DLGAP2: variants seen among roughly 807,000 people sequenced by gnomAD.
DLGAP2 encodes the protein disks large-associated protein 2.
Under a neutral mutation model 100.3 loss-of-function variants are expected in DLGAP2, and 26 were observed. That is an observed-to-expected ratio of 0.26 (90% confidence interval 0.19 to 0.36). The LOEUF is 0.36. DLGAP2 is among the 10% of genes least tolerant of loss of function. DLGAP2 has a pLI of 1.00. For synonymous variants in DLGAP2, 886 were observed against 630.1 expected (o/e 1.41, Z -6.08); for missense variants, 1,858 against 1,453.2 (o/e 1.28, Z -4.53).
intron 8 of DLGAP2, among the ~76,000 whole-genome samples, chr8:1,664,719 G>A (rs778259013): frequency 2.6e-5 from 4 of 152,138 alleles, no homozygotes; most frequent in African/African-American, 4.8e-5. Context: ...TGCTGATAAC[G>A]GTGAAAAACA....
chr8:1,520,725 T>G (rs1800566508), intron 4 of DLGAP2, among the ~76,000 whole-genome samples: 2 of 152,216 alleles, frequency 1.3e-5, no homozygotes, highest in Admixed American at 6.5e-5. Context: ...ATTTTAGCAC[T>G]GAATAATATT....
chr8:889,094 A>C (rs1168206362), intron 1 of DLGAP2, among the ~76,000 whole-genome samples: 1 of 152,192 alleles, frequency 6.6e-6, no homozygotes, highest in African/African-American at 2.4e-5. Context: ...GGTGCTCAGT[A>C]GGGGAGCTTT....
intron 4 of DLGAP2, among the ~76,000 whole-genome samples, chr8:1,545,392 G>A (rs1044174254): frequency 9.9e-5 from 15 of 152,110 alleles, no homozygotes; most frequent in Admixed American, 7.2e-4. Context: ...ACAGTAAGAC[G>A]TGCATTTACA....
chr8:1,029,577 G>A (rs1365088737), intron 2 of DLGAP2, among the ~76,000 whole-genome samples: 1 of 131,254 alleles, frequency 7.6e-6, no homozygotes, highest in African/African-American at 3.4e-5. Context: ...TGGATGGGAT[G>A]GCCAAGGGCG....
chr8:768,531 T>G (rs1276558639), intron 1 of DLGAP2, among the ~76,000 whole-genome samples: 1 of 151,250 alleles, frequency 6.6e-6, no homozygotes, highest in Non-Finnish European at 1.5e-5. Flanking sequence ...TTCAAGTGAT[T>G]CTCCTGCCTC....
At chr8:1,066,554 C>G (rs1230412144) in intron 2 of DLGAP2, among the ~76,000 whole-genome samples, 1 of 150,088 alleles carries the variant, frequency 6.7e-6, no homozygotes, top group African/African-American at 2.5e-5. Context: ...AGTTCCCTAC[C>G]ACGGTCAGGT....
intron 3 of DLGAP2, among the ~76,000 whole-genome samples, chr8:1,364,732 C>G (rs1295906754): frequency 6.6e-6 from 1 of 152,232 alleles, no homozygotes; most frequent in East Asian, 1.9e-4. Context: ...GGCCCGAACT[C>G]AGCCAGAGCT....
At chr8:938,412 G>C (rs1309729202) in intron 2 of DLGAP2, among the ~76,000 whole-genome samples, 1 of 152,146 alleles carries the variant, frequency 6.6e-6, no homozygotes. Flanking sequence ...TGCCCATAGA[G>C]AGCTTGAGGT....
intron 6 of DLGAP2, among the ~76,000 whole-genome samples, chr8:1,598,492 C>T (rs190679897): frequency 6.6e-6 from 1 of 152,150 alleles, no homozygotes; most frequent in Admixed American, 6.5e-5. Context: ...TCCATCTGAT[C>T]CTGGGCTTTT....
intron 4 of DLGAP2, among the ~76,000 whole-genome samples, chr8:1,532,616 C>T (rs1352632891): frequency 1.3e-5 from 2 of 152,154 alleles, no homozygotes; most frequent in African/African-American, 4.8e-5. Context: ...TGCTTTACTG[C>T]ATCCTAATCA....
chr8:964,838 G>C (rs1248197571), intron 2 of DLGAP2, among the ~76,000 whole-genome samples: 1 of 152,188 alleles, frequency 6.6e-6, no homozygotes. Flanking sequence ...CTCGGATCCT[G>C]GTGGCCTTGC....
At chr8:760,031 G>C (rs1356636344) in intron 1 of DLGAP2, among the ~76,000 whole-genome samples, 1 of 152,166 alleles carries the variant, frequency 6.6e-6, no homozygotes, top group African/African-American at 2.4e-5. Context: ...GTGCTTTTTT[G>C]TATAAGCCGA....
rs573052114 is a variant in DLGAP2 at position 1,108,611 on chromosome 8, G to C, written c.74-150240G>C. Among the ~76,000 whole-genome samples the C allele has an allele frequency of 2.6e-3, 380 of 147,292 alleles. 3 individuals carry two copies. Among genetic ancestry groups the C allele is most frequent in the African/African-American group, 9.1e-3 (358 of 39,434 alleles). ...CTGTGAGATGTGCATGGGTCTGTGA[G>C]GTGTGCACGTGCCTATGATGTGTGC... On this transcript the variant is annotated intron_variant, in intron 2 of 14. Coordinates refer to ENST00000637795, the MANE Select transcript of DLGAP2 (RefSeq NM_001346810.2).
At chr8:1,302,774 G>T (rs1010821919) in intron 3 of DLGAP2, among the ~76,000 whole-genome samples, 1 of 152,276 alleles carries the variant, frequency 6.6e-6, no homozygotes, top group African/African-American at 2.4e-5. Flanking sequence ...GGGGACCATG[G>T]AGCGACCTTG....
At chr8:1,505,174 T>A (rs1799863670) in intron 4 of DLGAP2, among the ~76,000 whole-genome samples, 1 of 152,230 alleles carries the variant, frequency 6.6e-6, no homozygotes, top group Non-Finnish European at 1.5e-5. Flanking sequence ...TGATGATTTT[T>A]AAGGGATCTT....
intron 1 of DLGAP2, among the ~76,000 whole-genome samples, chr8:900,807 G>A (rs1464875118): frequency 6.6e-6 from 1 of 152,120 alleles, no homozygotes; most frequent in East Asian, 1.9e-4. Flanking sequence ...GAATGTCCCA[G>A]GAAGTAGAAC....
At chr8:1,596,432 C>G (rs1277303508) in intron 6 of DLGAP2, among the ~76,000 whole-genome samples, 1 of 152,146 alleles carries the variant, frequency 6.6e-6, no homozygotes, top group Non-Finnish European at 1.5e-5. Flanking sequence ...GTTCTAGATC[C>G]TTGAGGAATC....
chr8:792,941 C>T (rs1402658705), intron 1 of DLGAP2, among the ~76,000 whole-genome samples: 1 of 152,130 alleles, frequency 6.6e-6, no homozygotes, highest in South Asian at 2.1e-4. Context: ...TCTATCAGCA[C>T]CTTTTACCTT....
At chr8:1,591,425 G>A (rs1421371552) in intron 6 of DLGAP2, among the ~76,000 whole-genome samples, 2 of 152,116 alleles carry the variant, frequency 1.3e-5, no homozygotes, top group Admixed American at 6.5e-5. Context: ...AAGACTGGAC[G>A]TTGGACTGGG....
Sources: allele counts gnomAD v4.1 joint callset (sites outside exome capture counted in the v4.1 genomes callset), GRCh38; gene constraint gnomAD v4.1.1; transcripts MANE v1.5; gene names NCBI Gene and HGNC (gene_info 2026-07-23, HGNC 2026-07-21).